NINJ2: variants seen among roughly 807,000 people sequenced by gnomAD.
NINJ2 encodes ninjurin-2.
A neutral mutation model predicts 11.7 loss-of-function variants in NINJ2; 12 were observed. The ratio of observed to expected loss-of-function variants is 1.02; its 90% confidence interval spans 0.66 to 1.66. The LOEUF (loss-of-function observed/expected upper bound fraction) is 1.66, where lower values mean the gene tolerates loss of function less well. Ranked by LOEUF, NINJ2 falls within the 40% of genes most tolerant of loss-of-function variation. NINJ2 has a pLI of 0.00. For missense variants in NINJ2, 187 were observed against 181.8 expected, an observed-to-expected ratio of 1.03 and a Z score of -0.16; for synonymous variants, 93 against 76.8, an observed-to-expected ratio of 1.21 and a Z score of -1.10.
At chr12:649,707 A>T (rs547800068) in intron 1 of NINJ2, among the ~76,000 whole-genome samples, 5 of 152,078 alleles carry the variant, frequency 3.3e-5, no homozygotes, top group African/African-American at 1.2e-4. Flanking sequence ...GTAACAGATG[A>T]AAATAAATCA....
At chr12:573,559 A>C (rs1947409278) in intron 1 of NINJ2, among the ~76,000 whole-genome samples, 1 of 152,144 alleles carries the variant, frequency 6.6e-6, no homozygotes, top group Admixed American at 6.5e-5. Context: ...AGCCTGGGCA[A>C]CAGAGCAAGA....
chr12:581,003 T>C lies in NINJ2; in HGVS notation c.34-14825A>G, dbSNP rs1352560484. ...GTCCATGTCTCTGTGCATATGTCTGTGTGAATGTGTGTGTTCATGTCTTGT... is the reference window on the plus strand; with the variant it reads ...GTCCATGTCTCTGTGCATATGTCTGCGTGAATGTGTGTGTTCATGTCTTGT... On this transcript the variant is annotated intron_variant, in intron 1 of 3. Coordinates refer to ENST00000305108, the MANE Select transcript of NINJ2 (RefSeq NM_016533.6). This position sits in a 1 kb window ranked among gnomAD's most constrained non-coding sequence, Gnocchi z 4.9. Among the ~76,000 whole-genome samples the C allele has an allele frequency of 6.6e-6, 1 of 151,742 alleles. No homozygotes were observed. Among genetic ancestry groups the C allele is most frequent in the Non-Finnish European group, 1.5e-5 (1 of 67,920 alleles).
chr12:586,049 T>C (rs1050465614), intron 1 of NINJ2: 7 of 152,076 alleles, frequency 4.6e-5, no homozygotes, highest in Non-Finnish European at 1.0e-4. Context: ...GTAATTTGCA[T>C]GGCCCAGTAA....
At chr12:609,150 G>A (rs1315552678) in intron 1 of NINJ2, among the ~76,000 whole-genome samples, 2 of 75,534 alleles carry the variant, frequency 2.6e-5, no homozygotes, top group Non-Finnish European at 4.8e-5. Flanking sequence ...CGCCACGCTA[G>A]GGGCTGTACG....
intron 1 of NINJ2, among the ~76,000 whole-genome samples, chr12:584,920 C>T (rs956449535): frequency 4.6e-5 from 7 of 152,042 alleles, no homozygotes; most frequent in African/African-American, 1.7e-4. Context: ...AGTTCGAGAC[C>T]AGCCTGGCCA....
chr12:642,868 G>C (rs910977307), intron 1 of NINJ2: 19 of 150,856 alleles, frequency 1.3e-4, no homozygotes, highest in African/African-American at 3.9e-4. Context: ...TCCCCTGCCC[G>C]GCTCGCCCGC....
At position 640,338 on chromosome 12, in the gene NINJ2, GC is replaced by G. The variant is rs1217005028; in HGVS notation, c.33+22989del. Among the ~76,000 whole-genome samples the G allele has an allele frequency of 6.6e-6, 1 of 152,090 alleles. No individual in the cohort carries two copies. The highest frequency in any genetic ancestry group is 2.4e-5 in the African/African-American group (1 of 41,408). ...TTGTTTTACAAATGTGGCAACTGAA[GC>G]TTTAAAAAAAAGGTAGGCCTGCGGG... On this transcript the variant is annotated intron_variant, in intron 1 of 3. Transcript: ENST00000305108. The surrounding 1 kb of genome is among the most constrained non-coding windows in gnomAD (Gnocchi z 4.0).
At chr12:592,451 A>G (rs569677112) in intron 1 of NINJ2, among the ~76,000 whole-genome samples, 2 of 152,364 alleles carry the variant, frequency 1.3e-5, no homozygotes, top group East Asian at 1.9e-4. Context: ...CTGTAATCCC[A>G]GCACTTTGGG....
chr12:595,211 C>G (rs1041489259), intron 1 of NINJ2, among the ~76,000 whole-genome samples: 1 of 152,052 alleles, frequency 6.6e-6, no homozygotes, highest in Non-Finnish European at 1.5e-5. Context: ...CATAGATCTG[C>G]ATGTAAAACA....
chr12:611,122 C>T (rs1167544604), intron 1 of NINJ2, among the ~76,000 whole-genome samples: 6 of 152,172 alleles, frequency 3.9e-5, no homozygotes, highest in Admixed American at 6.5e-5. Context: ...CCCTAAGTTA[C>T]GATAGAGGAA....
intron 1 of NINJ2, among the ~76,000 whole-genome samples, chr12:600,915 A>C (rs1947858525): frequency 6.6e-6 from 1 of 152,218 alleles, no homozygotes; most frequent in Admixed American, 6.5e-5. Context: ...ATTTAAAAAA[A>C]TCAATCTTGA....
At chr12:662,962 T>TCAA (rs1405929649) in intron 1 of NINJ2, among the ~76,000 whole-genome samples, 1 of 6,396 alleles carries the variant, frequency 1.6e-4, no homozygotes, top group African/African-American at 2.1e-4. Context: ...ATATTTCCTG[T>TCAA]CTCCCCGGCA....
At chr12:655,635 A>G (rs1937862460) in intron 1 of NINJ2, among the ~76,000 whole-genome samples, 1 of 152,204 alleles carries the variant, frequency 6.6e-6, no homozygotes, top group African/African-American at 2.4e-5. Context: ...TGAAGGGGAC[A>G]AGCGCGGTGG....
chr12:611,499 A>G (rs540846207), intron 1 of NINJ2, among the ~76,000 whole-genome samples: 12 of 151,872 alleles, frequency 7.9e-5, no homozygotes, highest in Non-Finnish European at 1.3e-4. Flanking sequence ...CACCACACCC[A>G]GCTAATTTTT....
chr12:650,493 T>C (rs1937770370), intron 1 of NINJ2, among the ~76,000 whole-genome samples: 1 of 151,912 alleles, frequency 6.6e-6, no homozygotes, highest in Non-Finnish European at 1.5e-5. Context: ...AGGTCAGGAG[T>C]CCGAGACCAG....
At chr12:638,047 C>A (rs1183644888) in intron 1 of NINJ2, among the ~76,000 whole-genome samples, 3 of 152,196 alleles carry the variant, frequency 2.0e-5, no homozygotes, top group African/African-American at 7.2e-5. Flanking sequence ...TGGAAAACAA[C>A]AAAGGCCTCT....
rs1262335897 is a variant in NINJ2, at chr12:614,636, T to C, written c.34-48458A>G. 6.6e-6 allele frequency among the ~76,000 whole-genome samples: 1 copy of C among 152,212 alleles called. No individual in the cohort carries two copies. Among genetic ancestry groups the C allele is most frequent in the East Asian group, 1.9e-4 (1 of 5,200 alleles). ...TAGACGTTCTTTAGTACCTGTGCTC[T>C]AAGAGGATTCCTGCTTCCCTCTTAT... On this transcript the variant is annotated intron_variant, in intron 1 of 3. Coordinates refer to ENST00000305108, the MANE Select transcript of NINJ2 (RefSeq NM_016533.6). The surrounding 1 kb of genome is among the most constrained non-coding windows in gnomAD (Gnocchi z 5.1).
intron 1 of NINJ2, among the ~76,000 whole-genome samples, chr12:648,320 C>T (rs1182638378): frequency 6.6e-6 from 1 of 152,176 alleles, no homozygotes; most frequent in Non-Finnish European, 1.5e-5. Flanking sequence ...TCAGATGATC[C>T]GCCTGCCTTG....
intron 1 of NINJ2, among the ~76,000 whole-genome samples, chr12:574,176 G>A (rs1012086595): frequency 4.6e-5 from 7 of 151,844 alleles, no homozygotes; most frequent in Non-Finnish European, 8.8e-5. Flanking sequence ...GAGCCGAGAT[G>A]GTGCCACTGC....
Sources: allele counts gnomAD v4.1 joint callset (sites outside exome capture counted in the v4.1 genomes callset), GRCh38; gene constraint gnomAD v4.1.1; non-coding constraint Gnocchi (gnomAD v3.1); transcripts MANE v1.5; gene names NCBI Gene and HGNC (gene_info 2026-07-23, HGNC 2026-07-21).